The following PTPRT variants were observed in gnomAD, a reference collection of about 807,000 sequenced individuals.
The protein encoded by PTPRT is receptor-type tyrosine-protein phosphatase T.
A neutral mutation model predicts 176.8 loss-of-function variants in PTPRT; 56 were observed. The ratio of observed to expected loss-of-function variants is 0.32; its 90% CI spans 0.26 to 0.40. The LOEUF (loss-of-function observed/expected upper bound fraction) is 0.40, where lower values mean the gene tolerates loss of function less well. PTPRT is among the 10% of genes least tolerant of loss of function. The pLI is 1.00. For missense variants in PTPRT, 1,540 were observed against 1,908.2 expected (o/e 0.81, Z 3.60); for synonymous variants, 783 against 739.0 (o/e 1.06, Z -0.96).
chr20:43,104,275 C>T (rs1600716137), intron 1 of PTPRT, among the ~76,000 whole-genome samples: 2 of 152,100 alleles, frequency 1.3e-5, no homozygotes, highest in South Asian at 2.1e-4. Flanking sequence ...TTAACTTCAC[C>T]ATGTTCAAAT....
chr20:42,476,633 G>A (rs1601095464), intron 7 of PTPRT, among the ~76,000 whole-genome samples: 2 of 152,178 alleles, frequency 1.3e-5, no homozygotes, highest in South Asian at 4.1e-4. Flanking sequence ...ATCTCAGTTT[G>A]TATTCCAAAG....
intron 7 of PTPRT, among the ~76,000 whole-genome samples, chr20:42,634,036 ATATATTATATATATATTATAAATAT>A (rs1286177914): frequency 6.7e-5 from 2 of 29,646 alleles, no homozygotes; most frequent in African/African-American, 3.4e-4. Context: ...TATATATTAT[ATATATTATATATATATTATAAATAT>A]ATAATATATA....
intron 9 of PTPRT, among the ~76,000 whole-genome samples, chr20:42,377,842 T>A (rs370578155): frequency 3.3e-4 from 50 of 152,304 alleles, no homozygotes; most frequent in African/African-American, 1.2e-3. Flanking sequence ...CAGAGTGAAG[T>A]GGTAGCATTA....
At chr20:42,826,532 T>C (rs756115801) in intron 2 of PTPRT, among the ~76,000 whole-genome samples, 1 of 152,186 alleles carries the variant, frequency 6.6e-6, no homozygotes, top group Non-Finnish European at 1.5e-5. Flanking sequence ...AGGGGAAAAG[T>C]GCAGGTAGAA....
intron 7 of PTPRT, among the ~76,000 whole-genome samples, chr20:42,599,403 G>C (rs562479563): frequency 5.9e-5 from 9 of 152,256 alleles, no homozygotes; most frequent in Admixed American, 2.0e-4. Flanking sequence ...CTTAATTGAT[G>C]CATGTCTTCT....
chr20:42,210,997 C>A (rs1026704962), intron 15 of PTPRT, among the ~76,000 whole-genome samples: 26 of 152,106 alleles, frequency 1.7e-4, no homozygotes, highest in African/African-American at 6.0e-4. Flanking sequence ...CGCCGCATAT[C>A]TACAACTGTC....
chr20:42,161,621 C>A, intron 16 of PTPRT, 79 bp from the exon 17 acceptor site: 1 of 1,475,224 alleles, frequency 6.8e-7, no homozygotes, highest in African/African-American at 1.4e-5. Flanking sequence ...CCCAGCTTGG[C>A]CTGAGGAGGG....
At chr20:42,249,168 CCATGGAACA>C (rs2056507208) in intron 13 of PTPRT, among the ~76,000 whole-genome samples, 2 of 152,004 alleles carry the variant, frequency 1.3e-5, no homozygotes, top group Admixed American at 6.6e-5. Context: ...TAGGATCAAA[CCATGGAACA>C]CTGGGAATTA....
At chr20:42,894,526 TA>T (rs370239840) in intron 1 of PTPRT, among the ~76,000 whole-genome samples, 81 of 145,962 alleles carry the variant, frequency 5.5e-4, no homozygotes, top group Middle Eastern at 3.4e-3. Context: ...ATAGAAAGGT[TA>T]AAAAAAAAAA....
At chr20:42,819,742 T>TA (rs199792404) in intron 2 of PTPRT, among the ~76,000 whole-genome samples, 26,019 of 147,730 alleles carry the variant, frequency 0.18, 2,499 homozygotes, top group African/African-American at 0.26. Context: ...AAAATAAAAA[T>TA]AAAAAAAAAT....
intron 6 of PTPRT, among the ~76,000 whole-genome samples, chr20:42,736,245 T>C (rs1600679084): frequency 6.6e-6 from 1 of 152,070 alleles, no homozygotes; most frequent in South Asian, 2.1e-4. Context: ...AAATGGTTGA[T>C]GAAGTAGGGA....
At chr20:42,237,222 C>T (rs1433966226) in intron 14 of PTPRT, among the ~76,000 whole-genome samples, 1 of 152,194 alleles carries the variant, frequency 6.6e-6, no homozygotes, top group Admixed American at 6.5e-5. Flanking sequence ...ATAACTGTTG[C>T]TCTTTAAGCC....
chr20:43,094,821 T>A (rs1402555930), intron 1 of PTPRT, among the ~76,000 whole-genome samples: 1 of 152,074 alleles, frequency 6.6e-6, no homozygotes, highest in Non-Finnish European at 1.5e-5. Flanking sequence ...GTCTGGCACA[T>A]AATGAGTGCT....
At chr20:43,104,009 A>T (rs892612133) in intron 1 of PTPRT, among the ~76,000 whole-genome samples, 2 of 152,216 alleles carry the variant, frequency 1.3e-5, no homozygotes, top group African/African-American at 4.8e-5. Flanking sequence ...CAGTAATTGC[A>T]CTTTGTAACT....
intron 1 of PTPRT, among the ~76,000 whole-genome samples, chr20:43,118,320 C>T (rs1425063486): frequency 6.6e-6 from 1 of 152,130 alleles, no homozygotes; most frequent in Non-Finnish European, 1.5e-5. Flanking sequence ...CTCCAAGAAG[C>T]CCAAGAAAAT....
chr20:42,036,824 A>T, the PTPRT span, among the ~76,000 whole-genome samples: 3 of 152,234 alleles, frequency 2.0e-5, no homozygotes, highest in African/African-American at 7.2e-5. Context: ...GGACAAACCT[A>T]TACCTCCAGG....
intron 12 of PTPRT, among the ~76,000 whole-genome samples, chr20:42,289,890 G>T (rs6030112): frequency 1.3e-5 from 2 of 151,986 alleles, no homozygotes; most frequent in East Asian, 1.9e-4. Context: ...ACTGACAAAC[G>T]TGATGCCAAA....
intron 7 of PTPRT, among the ~76,000 whole-genome samples, chr20:42,494,219 C>G (rs1455993938): frequency 6.6e-6 from 1 of 152,006 alleles, no homozygotes; most frequent in Non-Finnish European, 1.5e-5. Flanking sequence ...ATCTTTTGTT[C>G]TTGGAAAAAT....
chr20:42,053,206 G>A, the PTPRT span, among the ~76,000 whole-genome samples: 1 of 152,284 alleles, frequency 6.6e-6, no homozygotes, highest in East Asian at 1.9e-4. Context: ...CGTATCCAGA[G>A]GTTCAGATTC....
Sources: allele counts gnomAD v4.1 joint callset (sites outside exome capture counted in the v4.1 genomes callset), GRCh38; gene constraint gnomAD v4.1.1; transcripts MANE v1.5; gene names NCBI Gene and HGNC (gene_info 2026-07-23, HGNC 2026-07-21).